PKHD1: variants seen among roughly 807,000 people sequenced by gnomAD.
PKHD1 encodes PKHD1 ciliary IPT domain containing fibrocystin/polyductin.
A neutral mutation model predicts 412.0 loss-of-function variants in PKHD1; 291 were observed. That is an observed-to-expected ratio of 0.71 (90% CI 0.64 to 0.78). The LOEUF (loss-of-function observed/expected upper bound fraction) is 0.78. Ranked by LOEUF, PKHD1 falls within the 30% of genes least tolerant of loss-of-function variation. The pLI is 0.00. For missense variants in PKHD1, 4,825 were observed against 4,950.7 expected (o/e 0.97, Z 0.76); for synonymous variants, 1,777 against 1,821.5 (o/e 0.98, Z 0.62).
intron 64 of PKHD1, among the ~76,000 whole-genome samples, chr6:51,636,988 G>T (rs1230176998): frequency 6.6e-6 from 1 of 152,134 alleles, no homozygotes; most frequent in African/African-American, 2.4e-5. Context: ...TCTTCAGTTA[G>T]TTCTTTTTAC....
intron 61 of PKHD1, among the ~76,000 whole-genome samples, chr6:51,654,221 A>G (rs1036910398): frequency 6.6e-6 from 1 of 152,134 alleles, no homozygotes; most frequent in African/African-American, 2.4e-5. Context: ...AAAGATTAAC[A>G]TTTTATACTC....
At position 51,736,323 on chromosome 6, in the gene PKHD1, C is replaced by T. The variant is rs1783839412; in HGVS notation, c.10156+8062G>A. On this transcript the variant is annotated intron_variant, in intron 60 of 66. Coordinates refer to ENST00000371117, the MANE Select transcript of PKHD1 (RefSeq NM_138694.4). Reference sequence around the variant, plus strand: ...TCATTCCAACTCACAGCATGGACTACTTTGAAATGTAATCAAATATTGTTA... The same window carrying T: ...TCATTCCAACTCACAGCATGGACTATTTTGAAATGTAATCAAATATTGTTA... Among the ~76,000 whole-genome samples the T allele has an allele frequency of 2.0e-5, 3 of 152,172 alleles. No homozygotes were observed. The South Asian group carries it at 6.2e-4, about 32-fold the overall frequency.
At chr6:51,649,313 T>C (rs941115908) in intron 61 of PKHD1, 93 bp from the exon 62 acceptor site, 92 of 949,054 alleles carry the variant, frequency 9.7e-5, no homozygotes, top group South Asian at 6.6e-4. Context: ...CCAGTGAAAA[T>C]ATTTGCATTT....
chr6:52,038,067 T>C (rs1292615308), intron 27 of PKHD1, among the ~76,000 whole-genome samples: 1 of 152,134 alleles, frequency 6.6e-6, no homozygotes, highest in Non-Finnish European at 1.5e-5. Context: ...CCTAATCCAA[T>C]ATGACTGGTG....
chr6:51,859,525 CAAAAA>C lies in PKHD1; in HGVS notation c.7734-3460_7734-3456del, dbSNP rs10638642. Among the ~76,000 whole-genome samples, 257 of 114,658 alleles carry C rather than the reference CAAAAA, an allele frequency of 2.2e-3. 2 individuals carry two copies. The highest frequency in any genetic ancestry group is 8.3e-3 in the African/African-American group (247 of 29,888). 75.2% of individuals were successfully genotyped at this position (114,658 alleles called of 152,430 possible). Reference sequence around the variant, plus strand: ...TGGGCAACAGAGCGAGATTCCGTCCCAAAAAAAAAAAAAAAAAATTACCTCAATAT... The same window carrying C: ...TGGGCAACAGAGCGAGATTCCGTCCCAAAAAAAAAAAAATTACCTCAATAT... On this transcript the variant is annotated intron_variant, in intron 48 of 66. Transcript: ENST00000371117.
chr6:52,075,844 T>G (rs1226259398), intron 6 of PKHD1, among the ~76,000 whole-genome samples: 2 of 152,144 alleles, frequency 1.3e-5, no homozygotes, highest in African/African-American at 2.4e-5. Flanking sequence ...TTTCTTCAAC[T>G]GCAAAATGGG....
chr6:51,662,746 A>T (rs1011441663), intron 60 of PKHD1, among the ~76,000 whole-genome samples: 4 of 151,980 alleles, frequency 2.6e-5, no homozygotes, highest in African/African-American at 9.7e-5. Context: ...AAGGATTATC[A>T]TTACAGATTC....
intron 43 of PKHD1, among the ~76,000 whole-genome samples, chr6:51,893,284 G>A (rs967003837): frequency 6.6e-6 from 1 of 152,134 alleles, no homozygotes; most frequent in African/African-American, 2.4e-5. Context: ...CATCACCTTT[G>A]CCAGCACAGA....
intron 52 of PKHD1, among the ~76,000 whole-genome samples, chr6:51,813,378 TG>T (rs1186828399): frequency 6.6e-6 from 1 of 152,184 alleles, no homozygotes; most frequent in Non-Finnish European, 1.5e-5. Flanking sequence ...GGTACATTGT[TG>T]CTAGTACTAC....
rs779487715 is a variant in PKHD1, at chr6:51,909,341, G to C, written c.6624C>G (p.Val2208=). 2 of 1,613,558 alleles carry C rather than the reference G, an allele frequency of 1.2e-6. No homozygotes were observed. The highest frequency in any genetic ancestry group is 1.7e-6 in the Non-Finnish European group (2 of 1,179,646). Residue 2208 remains valine (V), a synonymous_variant, in exon 40 of 67, where the codon GTC becomes GTG. Coordinates refer to ENST00000371117, the MANE Select transcript of PKHD1 (RefSeq NM_138694.4). ...GATGCTTATGGAAGGCTTGCCCCAAGACTTGAAACTGCACTCCCTTCAACT... is the reference window on the plus strand; with the variant it reads ...GATGCTTATGGAAGGCTTGCCCCAACACTTGAAACTGCACTCCCTTCAACT... ...QVQLKGVQFQ[V]LGQAFHKHLS...
intron 43 of PKHD1, among the ~76,000 whole-genome samples, chr6:51,895,473 A>G (rs1488725002): frequency 6.6e-6 from 1 of 152,150 alleles, no homozygotes; most frequent in Non-Finnish European, 1.5e-5. Context: ...CAGTCATCAA[A>G]ATGATTTTAG....
At chr6:51,997,245 G>A (rs773931111) in intron 35 of PKHD1, among the ~76,000 whole-genome samples, 4 of 152,158 alleles carry the variant, frequency 2.6e-5, no homozygotes, top group Non-Finnish European at 4.4e-5. Flanking sequence ...GCAAGGCAGG[G>A]AAGAGACATG....
chr6:51,821,075 C>A (rs1766346279), intron 52 of PKHD1, among the ~76,000 whole-genome samples: 1 of 152,218 alleles, frequency 6.6e-6, no homozygotes, highest in African/African-American at 2.4e-5. Flanking sequence ...GGGTAAAATA[C>A]ATATGCAATC....
chr6:51,923,100 A>C (rs563579400), intron 37 of PKHD1, among the ~76,000 whole-genome samples: 266 of 152,262 alleles, frequency 1.7e-3, no homozygotes, highest in Non-Finnish European at 3.4e-3. Context: ...CCAAATTTTT[A>C]AGGTAACGTT....
chr6:51,624,159 C>A (rs375884700), intron 66 of PKHD1, among the ~76,000 whole-genome samples: 1 of 152,008 alleles, frequency 6.6e-6, no homozygotes, highest in East Asian at 1.9e-4. Context: ...TAGGCTCATG[C>A]AATCCTCCAC....
chr6:51,777,402 T>C (rs1157960680), intron 53 of PKHD1, among the ~76,000 whole-genome samples: 1 of 152,068 alleles, frequency 6.6e-6, no homozygotes, highest in Non-Finnish European at 1.5e-5. Flanking sequence ...AGGCATATAG[T>C]AGGTCAATGG....
intron 55 of PKHD1, among the ~76,000 whole-genome samples, chr6:51,762,978 G>A (rs1788297392): frequency 4.0e-5 from 6 of 151,866 alleles, no homozygotes; most frequent in Admixed American, 3.9e-4. Context: ...TTTTAAAAAA[G>A]GTTTTAAAGA....
At chr6:51,854,956 C>A (rs1320466776) in intron 49 of PKHD1, among the ~76,000 whole-genome samples, 3 of 152,222 alleles carry the variant, frequency 2.0e-5, no homozygotes, top group Non-Finnish European at 4.4e-5. Flanking sequence ...CAGTGCTGGT[C>A]GCCCCTCCCC....
intron 34 of PKHD1, 46 bp downstream of exon 34, chr6:52,017,364 G>T: frequency 7.3e-7 from 1 of 1,364,344 alleles, no homozygotes; most frequent in Non-Finnish European, 1.1e-6. Context: ...CGGTCCATTG[G>T]CCAAGCATTT....
Sources: allele counts gnomAD v4.1 joint callset (sites outside exome capture counted in the v4.1 genomes callset), GRCh38; gene constraint gnomAD v4.1.1; transcripts MANE v1.5; gene names NCBI Gene and HGNC (gene_info 2026-07-23, HGNC 2026-07-21).